PHACTR4: variants seen among roughly 807,000 people sequenced by gnomAD.
PHACTR4 encodes phosphatase and actin regulator 4.
In PHACTR4, 51 loss-of-function variants were observed where a neutral mutation model predicts 72.7. The ratio of observed to expected loss-of-function variants is 0.70; its 90% confidence interval spans 0.56 to 0.89. The LOEUF (loss-of-function observed/expected upper bound fraction) is 0.89. PHACTR4 is among the 40% of genes least tolerant of loss of function. The probability of loss-of-function intolerance (pLI) is 0.00; values close to 1 mark genes in which losing one functional copy is unlikely to be tolerated. For synonymous variants in PHACTR4, 255 were observed against 302.5 expected (o/e 0.84, Z 1.63); for missense variants, 731 against 861.8 (o/e 0.85, Z 1.90).
At chr1:28,430,787 G>T (rs1409191263) in intron 2 of PHACTR4, among the ~76,000 whole-genome samples, 1 of 152,090 alleles carries the variant, frequency 6.6e-6, no homozygotes, top group African/African-American at 2.4e-5. Context: ...GTCAATAGCT[G>T]ATTTTCCTAG....
chr1:28,423,703 T>G (rs1432340695), intron 2 of PHACTR4, among the ~76,000 whole-genome samples: 1 of 152,164 alleles, frequency 6.6e-6, no homozygotes, highest in African/African-American at 2.4e-5. Flanking sequence ...TTAGACCAGT[T>G]TACTCCTATG....
chr1:28,389,402 TAAC>T (rs1022971776), intron 1 of PHACTR4, among the ~76,000 whole-genome samples: 7 of 150,462 alleles, frequency 4.7e-5, no homozygotes, highest in African/African-American at 1.2e-4. Context: ...AGAAAAAAAA[TAAC>T]AAGTGTTGGC....
chr1:28,387,259 CAAA>C (rs11431699), intron 1 of PHACTR4, among the ~76,000 whole-genome samples: 10 of 96,456 alleles, frequency 1.0e-4, no homozygotes, highest in Non-Finnish European at 1.7e-4. Flanking sequence ...GACCCTGTCT[CAAA>C]AAAAAAAAAA....
intron 2 of PHACTR4, among the ~76,000 whole-genome samples, chr1:28,434,183 G>A (rs1656478662): frequency 1.3e-5 from 2 of 152,180 alleles, no homozygotes; most frequent in Admixed American, 1.3e-4. Context: ...AAGAGTTTCA[G>A]TAAGTCCGGG....
intron 6 of PHACTR4, among the ~76,000 whole-genome samples, chr1:28,468,036 T>C (rs1659318217): frequency 6.6e-6 from 1 of 152,206 alleles, no homozygotes; most frequent in South Asian, 2.1e-4. Flanking sequence ...ATATTTAATA[T>C]CACCATGTTG....
Position 28,466,634 on chromosome 1 carries a change from C to T in PHACTR4, c.689C>T (p.Ala230Val), listed in dbSNP as rs1659188455. 6.2e-7 allele frequency: 1 copy of T among 1,614,030 alleles called. No individual in the cohort carries two copies. Among genetic ancestry groups the T allele is most frequent in the Non-Finnish European group, 8.5e-7 (1 of 1,180,012 alleles). Residue 230 changes from alanine to valine, a missense_variant, in exon 6 of 14, where the codon GCA becomes GTA. Physicochemically the swap from Ala to Val is moderately conservative, Grantham distance 64. Transcript: ENST00000373839. ...TVNLSVTPSP[A>V]PRTLPAAPAS... ...AATCTCTCTGTCACCCCTTCCCCAG[C>T]ACCCAGGACTCTGCCTGCTGCTCCT...
At position 28,447,452 on chromosome 1, in the gene PHACTR4, C is replaced by G. The variant is rs563036783; in HGVS notation, c.17-11633C>G. On this transcript the variant is annotated intron_variant, in intron 2 of 13. Transcript: ENST00000373839. Reference sequence around the variant, plus strand: ...TCGCCCAGGCTGGAGTGCAGTGGCACGATCTCGACTTACTACAACCTCTGC... The same window carrying G: ...TCGCCCAGGCTGGAGTGCAGTGGCAGGATCTCGACTTACTACAACCTCTGC... 7.3e-5 allele frequency among the ~76,000 whole-genome samples: 11 copies of G among 150,384 alleles called. No homozygotes were observed. The South Asian group carries it at 2.3e-3, about 32-fold the overall frequency.
intron 1 of PHACTR4, among the ~76,000 whole-genome samples, chr1:28,378,815 T>C (rs1651910989): frequency 6.6e-6 from 1 of 151,836 alleles, no homozygotes; most frequent in Admixed American, 6.6e-5. Flanking sequence ...TGAAGAGGAA[T>C]ATGAAGAAAT....
At chr1:28,412,844 A>T (rs1654872944) in intron 2 of PHACTR4, among the ~76,000 whole-genome samples, 1 of 152,138 alleles carries the variant, frequency 6.6e-6, no homozygotes, top group South Asian at 2.1e-4. Flanking sequence ...TGGAGATTGT[A>T]TTGGGCAGGG....
intron 1 of PHACTR4, among the ~76,000 whole-genome samples, chr1:28,404,811 G>C (rs754129326): frequency 2.0e-5 from 3 of 152,104 alleles, no homozygotes; most frequent in Admixed American, 6.6e-5. Flanking sequence ...TTGCAGGTTT[G>C]TTATATAGGT....
chr1:28,470,218 C>A (rs1659476514), intron 6 of PHACTR4, among the ~76,000 whole-genome samples: 1 of 151,948 alleles, frequency 6.6e-6, no homozygotes, highest in South Asian at 2.1e-4. Flanking sequence ...CGTAGCAAGA[C>A]CCCATCTCTA....
chr1:28,484,683 A>G (rs1385193424), intron 9 of PHACTR4, among the ~76,000 whole-genome samples: 1 of 151,438 alleles, frequency 6.6e-6, no homozygotes, highest in African/African-American at 2.4e-5. Context: ...ATATAAAAAC[A>G]TGGGTCGGGC....
Position 28,442,632 on chromosome 1 carries a change from G to A in PHACTR4, c.17-16453G>A, listed in dbSNP as rs564823920. On this transcript the variant is annotated intron_variant, in intron 2 of 13. Coordinates refer to ENST00000373839, the MANE Select transcript of PHACTR4 (RefSeq NM_001048183.3). ...AGTGATTCTCCTGTCTCATCCTCCC[G>A]AGTAGCTGGGACTACAGGTGCCCAC... is the stretch of plus-strand genomic sequence containing the variant. 1.5e-4 allele frequency among the ~76,000 whole-genome samples: 23 copies of A among 151,620 alleles called. No homozygotes were observed. The South Asian group carries it at 2.1e-3, about 14-fold the overall frequency.
chr1:28,465,918 A>G, intron 5 of PHACTR4, 69 bp downstream of exon 5: 4 of 1,452,326 alleles, frequency 2.8e-6, no homozygotes, highest in Non-Finnish European at 2.8e-6. Context: ...AGGGGTTTGC[A>G]AGAGAACAGG....
intron 2 of PHACTR4, among the ~76,000 whole-genome samples, chr1:28,441,724 T>C (rs1657048343): frequency 6.6e-6 from 1 of 152,168 alleles, no homozygotes; most frequent in African/African-American, 2.4e-5. Flanking sequence ...GCAGAGTGCA[T>C]TGGTTCGTGT....
intron 8 of PHACTR4, among the ~76,000 whole-genome samples, chr1:28,479,437 G>C (rs1570085135): frequency 7.6e-6 from 1 of 130,794 alleles, no homozygotes; most frequent in Non-Finnish European, 1.6e-5. Context: ...AAAAAAAAAA[G>C]CCAGGCATGG....
rs1165781957 is a variant in PHACTR4, at chr1:28,467,004, G to A, written c.823+236G>A. 8.7e-6 allele frequency: 4 copies of A among 459,768 alleles called. No individual in the cohort carries two copies. The Admixed American group carries it at 1.5e-4, about 18-fold the overall frequency. 28.5% of individuals were successfully genotyped at this position (459,768 alleles called of 1,614,324 possible). A position where few individuals can be genotyped will look rare whatever the true frequency, so the allele number is the denominator to read the frequency against. ...CCGAGGTGGGTGGATCACAAGGTCA[G>A]GAGATTGAGACCATCCTGGCAACAT... On this transcript the variant is annotated intron_variant, in intron 6 of 13. Transcript: ENST00000373839.
At chr1:28,455,760 A>C (rs1008383574) in intron 2 of PHACTR4, among the ~76,000 whole-genome samples, 4 of 152,136 alleles carry the variant, frequency 2.6e-5, no homozygotes, top group Non-Finnish European at 5.9e-5. Context: ...GAAATAATGT[A>C]CTGTTTGTCC....
chr1:28,487,380 T>A (rs920869212), intron 9 of PHACTR4, among the ~76,000 whole-genome samples: 11 of 150,776 alleles, frequency 7.3e-5, no homozygotes, highest in African/African-American at 1.9e-4. Context: ...AAAATAAAAA[T>A]AAAATAAAAA....
Sources: allele counts gnomAD v4.1 joint callset (sites outside exome capture counted in the v4.1 genomes callset), GRCh38; gene constraint gnomAD v4.1.1; transcripts MANE v1.5; gene names NCBI Gene and HGNC (gene_info 2026-07-23, HGNC 2026-07-21).